DEFB114: variants seen among roughly 807,000 people sequenced by gnomAD.
DEFB114 encodes the protein beta-defensin 114.
In DEFB114, 4 loss-of-function variants were observed where a neutral mutation model predicts 2.4. The observed-to-expected ratio is 1.67, with a 90% CI of 0.82 to 3.82. DEFB114 has a LOEUF of 3.82. DEFB114 is among the 30% of genes most tolerant of loss of function. The pLI, the probability that DEFB114 is intolerant of heterozygous loss-of-function variation, is 0.01. For missense variants in DEFB114, 113 were observed against 85.8 expected, an observed-to-expected ratio of 1.32 and a Z score of -1.25; for synonymous variants, 35 against 24.6, an observed-to-expected ratio of 1.42 and a Z score of -1.26.
chr6:49,961,283 G>T (rs1773456032), intron 1 of DEFB114, among the ~76,000 whole-genome samples: 1 of 150,426 alleles, frequency 6.6e-6, no homozygotes, highest in Non-Finnish European at 1.5e-5. Flanking sequence ...TTCAAAATAA[G>T]AAATTCTTGC....
At chr6:49,960,497 A>T in intron 1 of DEFB114, 51 bp from the exon 2 acceptor site, 1 of 1,526,942 alleles carries the variant, frequency 6.5e-7, no homozygotes, top group East Asian at 2.3e-5. Flanking sequence ...TTAAGCATAT[A>T]TTACTTCTGA....
At chr6:49,961,985 T>C (rs997829105) in intron 1 of DEFB114, among the ~76,000 whole-genome samples, 1 of 150,618 alleles carries the variant, frequency 6.6e-6, no homozygotes, top group African/African-American at 2.4e-5. Flanking sequence ...TAGTGGACTG[T>C]TACATACATA....
In DEFB114 at chr6:49,961,799, TA is replaced by T. The variant is rs200522599; in HGVS notation, c.56-1354del. The stretch of plus-strand genomic sequence containing the variant: ...TTACTATTCCTTTCACTCTTTCAGT[TA>T]AAAAAAAATTGTCTTGATTTATATT... On this transcript the variant is annotated intron_variant, in intron 1 of 1. Coordinates refer to ENST00000322066, the MANE Select transcript of DEFB114 (RefSeq NM_001037499.2). 7.7e-4 allele frequency among the ~76,000 whole-genome samples: 115 copies of T among 150,206 alleles called. 1 individual carries two copies. Among genetic ancestry groups the T allele is most frequent in the African/African-American group, 2.1e-3 (88 of 41,240 alleles).
intron 1 of DEFB114, among the ~76,000 whole-genome samples, chr6:49,963,333 G>C (rs1196858400): frequency 2.0e-5 from 3 of 150,002 alleles, no homozygotes; most frequent in Non-Finnish European, 3.0e-5. Flanking sequence ...TTTCTTTACA[G>C]TTTTGTCAAA....
At chr6:49,963,040 C>T (rs758199293) in intron 1 of DEFB114, among the ~76,000 whole-genome samples, 10 of 150,186 alleles carry the variant, frequency 6.7e-5, no homozygotes, top group Non-Finnish European at 1.0e-4. Flanking sequence ...GGAAAATACC[C>T]AGCCCAGATA....
At chr6:49,961,696 T>C (rs183130181) in intron 1 of DEFB114, among the ~76,000 whole-genome samples, 1 of 150,918 alleles carries the variant, frequency 6.6e-6, no homozygotes, top group Admixed American at 6.6e-5. Context: ...AAGAGTGTTA[T>C]TAAACATTAA....
chr6:49,960,885 AT>A (rs1486659431), intron 1 of DEFB114, among the ~76,000 whole-genome samples: 1 of 150,808 alleles, frequency 6.6e-6, no homozygotes, highest in East Asian at 1.9e-4. Flanking sequence ...AAAAAGTTTA[AT>A]TTTAGAGTTT....
intron 1 of DEFB114, 55 bp downstream of exon 1, chr6:49,963,996 A>G (rs1773502606): frequency 1.6e-6 from 2 of 1,285,568 alleles, no homozygotes; most frequent in Non-Finnish European, 2.2e-6. Flanking sequence ...ATAATTTATT[A>G]TTTCTATTTC....
intron 1 of DEFB114, among the ~76,000 whole-genome samples, chr6:49,961,280 TAAG>T (rs1050461732): frequency 6.6e-6 from 1 of 150,744 alleles, no homozygotes; most frequent in Non-Finnish European, 1.5e-5. Context: ...AACTTCAAAA[TAAG>T]AAATTCTTGC....
intron 1 of DEFB114, among the ~76,000 whole-genome samples, chr6:49,961,941 G>T (rs745683434): frequency 6.6e-6 from 1 of 150,690 alleles, no homozygotes; most frequent in Non-Finnish European, 1.5e-5. Flanking sequence ...TTCTTGTTTT[G>T]TATAACTATA....
At chr6:49,961,238 T>C (rs1341018838) in intron 1 of DEFB114, among the ~76,000 whole-genome samples, 1 of 150,788 alleles carries the variant, frequency 6.6e-6, no homozygotes, top group African/African-American at 2.4e-5. Flanking sequence ...TGCAGAAATG[T>C]ACAAAAATAA....
rs760768514 is a variant in DEFB114 at position 49,960,463 on chromosome 6, G to A, written c.56-17C>T. The A allele has an allele frequency of 1.3e-6, 2 of 1,574,410 alleles. No homozygotes were observed. Among genetic ancestry groups the A allele is most frequent in the African/African-American group, 1.4e-5 (1 of 71,966 alleles). Reference sequence around the variant, plus strand: ...TACATGTGGCTACGGTAAAAGAAGAGTAACAGAAATTCTAATCTTTTATTT... The same window carrying A: ...TACATGTGGCTACGGTAAAAGAAGAATAACAGAAATTCTAATCTTTTATTT... On this transcript the variant is annotated splice_polypyrimidine_tract_variant and intron_variant, in intron 1 of 1. Transcript: ENST00000322066.
intron 1 of DEFB114, among the ~76,000 whole-genome samples, chr6:49,961,797 G>T (rs73737273): frequency 0.095 from 14,277 of 150,364 alleles, 835 homozygotes; most frequent in Non-Finnish European, 0.13. Flanking sequence ...CACTCTTTCA[G>T]TTAAAAAAAA....
At chr6:49,961,863 G>A (rs1582337231) in intron 1 of DEFB114, among the ~76,000 whole-genome samples, 2 of 150,630 alleles carry the variant, frequency 1.3e-5, no homozygotes, top group East Asian at 3.9e-4. Context: ...TTATGTGAAT[G>A]CAACAGTACA....
chr6:49,961,293 C>A (rs1395799296), intron 1 of DEFB114, among the ~76,000 whole-genome samples: 1 of 150,496 alleles, frequency 6.6e-6, no homozygotes, highest in Non-Finnish European at 1.5e-5. Context: ...GAAATTCTTG[C>A]ATAGATTTTT....
intron 1 of DEFB114, among the ~76,000 whole-genome samples, chr6:49,961,976 A>G (rs1459458335): frequency 6.6e-6 from 1 of 150,756 alleles, no homozygotes; most frequent in African/African-American, 2.4e-5. Flanking sequence ...ATTATCATAT[A>G]GTGGACTGTT....
chr6:49,962,297 A>G (rs1227794611), intron 1 of DEFB114, among the ~76,000 whole-genome samples: 1 of 150,526 alleles, frequency 6.6e-6, no homozygotes, highest in African/African-American at 2.4e-5. Context: ...TAGACACCTC[A>G]TATATCTTAA....
intron 1 of DEFB114, among the ~76,000 whole-genome samples, 194 bp downstream of exon 1, chr6:49,963,857 T>C (rs1053704863): frequency 6.7e-6 from 1 of 150,094 alleles, no homozygotes; most frequent in Admixed American, 6.7e-5. Context: ...TTTATCTACA[T>C]ATTTGGAGAA....
At chr6:49,962,166 C>CA (rs1200823013) in intron 1 of DEFB114, among the ~76,000 whole-genome samples, 1 of 150,390 alleles carries the variant, frequency 6.6e-6, no homozygotes, top group Non-Finnish European at 1.5e-5. Flanking sequence ...TAGATAATGC[C>CA]AAACAGATGT....
Sources: gnomAD v4.1 joint callset for allele counts (sites outside exome capture counted in the v4.1 genomes callset) on GRCh38, gnomAD v4.1.1 for gene constraint, MANE v1.5 for transcripts, NCBI Gene and HGNC (gene_info 2026-07-23, HGNC 2026-07-21) for gene names.